Variants in PAMR1 observed in about 807,000 individuals in gnomAD.
PAMR1 encodes inactive serine protease PAMR1.
A neutral mutation model predicts 81.8 loss-of-function variants in PAMR1; 88 were observed. The ratio of observed to expected loss-of-function variants is 1.08; its 90% CI spans 0.91 to 1.28. The LOEUF is 1.28. PAMR1 is among the 50% of genes most tolerant of loss of function. The probability of loss-of-function intolerance (pLI) is 0.00; values close to 1 mark genes in which losing one functional copy is unlikely to be tolerated. For synonymous variants in PAMR1, 336 were observed against 345.3 expected, an observed-to-expected ratio of 0.97 and a Z score of 0.30; for missense variants, 935 against 919.7, an observed-to-expected ratio of 1.02 and a Z score of -0.21.
intron 6 of PAMR1, among the ~76,000 whole-genome samples, chr11:35,450,129 C>CAAAAAAAAAAAAAAAA (rs60887441): frequency 2.3e-5 from 1 of 43,048 alleles, no homozygotes; most frequent in Non-Finnish European, 3.7e-5. Flanking sequence ...TGCCTCCAGG[C>CAAAAAAAAAAAAAAAA]AAAAAAAAAA....
rs537312933 is a variant in PAMR1 at position 35,466,182 on chromosome 11, A to G, written c.820+1819T>C. 5.9e-5 allele frequency among the ~76,000 whole-genome samples: 9 copies of G among 152,214 alleles called. No homozygotes were observed. In the East Asian group the frequency reaches 1.7e-3, roughly 29 times the overall value. On this transcript the variant is annotated intron_variant, in intron 6 of 10. Transcript: ENST00000619888. Reference sequence around the variant, plus strand: ...CAGTATTTGCTATTGTCAAGAATCTAGAATCGCTCTACATACAAATTCTTG... The same window carrying G: ...CAGTATTTGCTATTGTCAAGAATCTGGAATCGCTCTACATACAAATTCTTG...
At chr11:35,466,573 A>G (rs1439489840) in intron 6 of PAMR1, among the ~76,000 whole-genome samples, 5 of 152,066 alleles carry the variant, frequency 3.3e-5, no homozygotes, top group Middle Eastern at 3.4e-3. Flanking sequence ...TAAAAATACA[A>G]AAAATTAGCC....
intron 4 of PAMR1, 67 bp downstream of exon 4, chr11:35,474,563 G>A: frequency 1.1e-6 from 1 of 878,180 alleles, no homozygotes; most frequent in South Asian, 1.7e-5. Context: ...CAGTGACCAA[G>A]AGCCTTCCAT....
At chr11:35,529,734 G>T (rs914520985), upstream of PAMR1, among the ~76,000 whole-genome samples, 5 of 152,064 alleles carry the variant, frequency 3.3e-5, no homozygotes, top group Non-Finnish European at 7.4e-5. Context: ...TGCTTGCTTC[G>T]GGGAGAATAA....
At chr11:35,509,627 T>G (rs539731439) in intron 1 of PAMR1, among the ~76,000 whole-genome samples, 161 of 152,244 alleles carry the variant, frequency 1.1e-3, no homozygotes, top group Non-Finnish European at 1.5e-3. Context: ...TTAAAATTAT[T>G]TAACCCAACT....
At chr11:35,485,851 G>C (rs116278073) in intron 3 of PAMR1, among the ~76,000 whole-genome samples, 2 of 152,138 alleles carry the variant, frequency 1.3e-5, no homozygotes, top group East Asian at 3.9e-4. Context: ...GCGCCTTCAG[G>C]ATAACGTTGT....
At chr11:35,513,839 C>A (rs1044029639) in intron 1 of PAMR1, among the ~76,000 whole-genome samples, 4 of 152,194 alleles carry the variant, frequency 2.6e-5, no homozygotes, top group African/African-American at 9.6e-5. Context: ...GGAGCAAAGT[C>A]TCTGCCTCTC....
chr11:35,501,259 T>G (rs2135408462), intron 1 of PAMR1, among the ~76,000 whole-genome samples: 1 of 152,048 alleles, frequency 6.6e-6, no homozygotes, highest in Middle Eastern at 3.4e-3. Flanking sequence ...GCCTCCCAAG[T>G]AGCTGGAACT....
chr11:35,507,142 G>T (rs1206188143), intron 1 of PAMR1, among the ~76,000 whole-genome samples: 2 of 146,340 alleles, frequency 1.4e-5, no homozygotes, highest in African/African-American at 2.5e-5. Flanking sequence ...TGCCTCCCAG[G>T]TTCAAGCGAT....
chr11:35,463,735 T>C (rs1015430098), intron 6 of PAMR1, among the ~76,000 whole-genome samples: 1 of 152,200 alleles, frequency 6.6e-6, no homozygotes, highest in Non-Finnish European at 1.5e-5. Context: ...GGGAAGTTTT[T>C]CCTCCTTCGG....
chr11:35,473,812 C>T (rs369882284), intron 4 of PAMR1, among the ~76,000 whole-genome samples: 14 of 152,204 alleles, frequency 9.2e-5, no homozygotes, highest in East Asian at 5.8e-4. Flanking sequence ...ATTTTAAATC[C>T]GTTCACTGTC....
At chr11:35,473,871 T>C (rs983309213) in intron 4 of PAMR1, among the ~76,000 whole-genome samples, 2 of 152,156 alleles carry the variant, frequency 1.3e-5, no homozygotes, top group South Asian at 2.1e-4. Context: ...ACCCTAGCCA[T>C]TCTAGGGGTG....
At chr11:35,506,624 G>T (rs1274396196) in intron 1 of PAMR1, among the ~76,000 whole-genome samples, 3 of 151,142 alleles carry the variant, frequency 2.0e-5, no homozygotes, top group South Asian at 2.1e-4. Flanking sequence ...TGAACATGTT[G>T]TCCTCCTCCC....
At chr11:35,466,726 CAA>C (rs71044519) in intron 6 of PAMR1, among the ~76,000 whole-genome samples, 14 of 63,976 alleles carry the variant, frequency 2.2e-4, no homozygotes, top group Admixed American at 1.9e-4. Flanking sequence ...GGCTCTATCT[CAA>C]AAAAAAAAAA....
intron 6 of PAMR1, among the ~76,000 whole-genome samples, chr11:35,449,198 G>A (rs947275905): frequency 1.3e-5 from 2 of 152,190 alleles, no homozygotes; most frequent in South Asian, 2.1e-4. Flanking sequence ...AATCCCACTC[G>A]TCTGGACTAC....
intron 1 of PAMR1, among the ~76,000 whole-genome samples, chr11:35,495,245 G>A (rs1850704243): frequency 6.6e-6 from 1 of 151,812 alleles, no homozygotes; most frequent in Admixed American, 6.6e-5. Context: ...ACCTTAATTA[G>A]TATGTTTGGG....
At chr11:35,458,345 ATTATT>A (rs937732409) in intron 6 of PAMR1, among the ~76,000 whole-genome samples, 2 of 152,138 alleles carry the variant, frequency 1.3e-5, no homozygotes, top group Non-Finnish European at 2.9e-5. Context: ...CAGCTTCCAA[ATTATT>A]TTATTTTACT....
chr11:35,437,985 T>C (rs900087325), intron 8 of PAMR1, among the ~76,000 whole-genome samples: 2 of 152,224 alleles, frequency 1.3e-5, no homozygotes. Context: ...TTCTGACTTA[T>C]GAATATTCCA....
In PAMR1 at chr11:35,492,089, T is replaced by C. The variant is rs769071464; in HGVS notation, c.335A>G (p.Tyr112Cys). 2.5e-6 allele frequency: 4 copies of C among 1,613,942 alleles called. No individual in the cohort carries two copies. In the African/African-American group the frequency reaches 5.3e-5, roughly 22 times the overall value. ...CCAGCCTGCTCGGCACTCTGCACAG[T>C]AGAACCCCTTCACATAGAAGTCATC... ...TLDDFYVKGFYCAECRAGWYG... is the reference protein window; with the variant it reads ...TLDDFYVKGFCCAECRAGWYG... The change falls in exon 3 of 11, where the codon TAC (tyrosine) becomes TGC (cysteine). Residue 112 changes from tyrosine (Y) to cysteine (C), a missense_variant. Transcript: ENST00000619888.
Sources: gnomAD v4.1 joint callset for allele counts (sites outside exome capture counted in the v4.1 genomes callset) on GRCh38, gnomAD v4.1.1 for gene constraint, MANE v1.5 for transcripts, NCBI Gene and HGNC (gene_info 2026-07-23, HGNC 2026-07-21) for gene names.